Variants in HCN1 observed in about 807,000 individuals in gnomAD.
The protein encoded by HCN1 is potassium/sodium hyperpolarization-activated cyclic nucleotide-gated channel 1.
HCN1 carries 13 observed loss-of-function variants against 78.9 expected under a neutral mutation model. The ratio of observed to expected loss-of-function variants is 0.16; its 90% confidence interval spans 0.11 to 0.26. The LOEUF (loss-of-function observed/expected upper bound fraction) is 0.26, where lower values mean the gene tolerates loss of function less well. Ranked by LOEUF, HCN1 falls within the 10% of genes least tolerant of loss-of-function variation. The pLI is 1.00. For missense variants in HCN1, 810 were observed against 1,154.3 expected (o/e 0.70, Z 4.32); for synonymous variants, 552 against 455.5 (o/e 1.21, Z -2.70).
chr5:45,502,317 A>C (rs1049106799), intron 2 of HCN1, among the ~76,000 whole-genome samples: 2 of 151,572 alleles, frequency 1.3e-5, no homozygotes, highest in East Asian at 3.9e-4. Flanking sequence ...AAAAAAAAAA[A>C]CAAAACAACA....
rs1359855706 is a variant in HCN1, at chr5:45,261,120, G to A, written c.*801C>T. 6.6e-6 allele frequency: 1 copy of A among 152,600 alleles called. No homozygotes were observed. Among genetic ancestry groups the A allele is most frequent in the African/African-American group, 2.4e-5 (1 of 41,440 alleles). 9.5% of individuals were successfully genotyped at this position (152,600 alleles called of 1,614,324 possible). A position where few individuals can be genotyped will look rare whatever the true frequency, so the allele number is the denominator to read the frequency against. ...AAAATTTAAAACTCTAAGTTTTGAA[G>A]TGAAGCAATAAAACTAAATTCTTAA... On this transcript the variant is annotated 3_prime_UTR_variant, in exon 8 of 8. Coordinates refer to ENST00000303230, the MANE Select transcript of HCN1 (RefSeq NM_021072.4).
chr5:45,559,757 A>G (rs1743556319), intron 2 of HCN1: 1 of 152,234 alleles, frequency 6.6e-6, no homozygotes, highest in Non-Finnish European at 1.5e-5. Flanking sequence ...AGTGTTTGAG[A>G]ATACTGACTT....
intron 2 of HCN1, among the ~76,000 whole-genome samples, chr5:45,635,365 A>G (rs1388045852): frequency 2.0e-5 from 3 of 152,028 alleles, no homozygotes; most frequent in Non-Finnish European, 4.4e-5. Flanking sequence ...AAAGAGCAAA[A>G]TTGAAATAAT....
At chr5:45,557,893 G>C (rs565036072) in intron 2 of HCN1, 1 of 152,048 alleles carries the variant, frequency 6.6e-6, no homozygotes, top group Admixed American at 6.6e-5. Context: ...CAACAATATT[G>C]AAATTAGGTC....
intron 2 of HCN1, among the ~76,000 whole-genome samples, chr5:45,593,206 GCA>G (rs1198980159): frequency 7.2e-4 from 74 of 102,500 alleles, no homozygotes; most frequent in African/African-American, 1.8e-3. Flanking sequence ...GCGCATGCAC[GCA>G]CGCGCACACA....
chr5:45,440,870 G>A (rs1254385150), intron 3 of HCN1, among the ~76,000 whole-genome samples: 1 of 152,102 alleles, frequency 6.6e-6, no homozygotes, highest in African/African-American at 2.4e-5. Flanking sequence ...ACCAAGAACA[G>A]AACCCCAAAT....
intron 1 of HCN1, among the ~76,000 whole-genome samples, chr5:45,650,204 A>G (rs1288897338): frequency 1.3e-5 from 2 of 152,104 alleles, no homozygotes; most frequent in Non-Finnish European, 2.9e-5. Context: ...ATTTTTTTCT[A>G]CTACTCTTAG....
At chr5:45,468,475 G>A (rs1045572908) in intron 2 of HCN1, among the ~76,000 whole-genome samples, 3 of 151,848 alleles carry the variant, frequency 2.0e-5, no homozygotes, top group Non-Finnish European at 4.4e-5. Context: ...AACCTGTTAT[G>A]TTTCTTAACT....
intron 2 of HCN1, among the ~76,000 whole-genome samples, chr5:45,553,487 A>AT (rs1229031111): frequency 6.6e-6 from 1 of 151,940 alleles, no homozygotes; most frequent in East Asian, 1.9e-4. Flanking sequence ...CACTCAGATG[A>AT]TAAAGTCTTC....
chr5:45,275,550 G>A (rs1745039652), intron 6 of HCN1, among the ~76,000 whole-genome samples: 1 of 151,972 alleles, frequency 6.6e-6, no homozygotes, highest in South Asian at 2.1e-4. Flanking sequence ...TTCTTTATCT[G>A]TGTCTTTCAT....
At chr5:45,603,253 T>C (rs1231178036) in intron 2 of HCN1, among the ~76,000 whole-genome samples, 1 of 152,002 alleles carries the variant, frequency 6.6e-6, no homozygotes, top group Non-Finnish European at 1.5e-5. Flanking sequence ...TTTCTTCCAT[T>C]CTCAGACATC....
intron 2 of HCN1, among the ~76,000 whole-genome samples, chr5:45,573,471 C>T (rs111889329): frequency 8.1e-6 from 1 of 123,950 alleles, no homozygotes; most frequent in African/African-American, 3.6e-5. Flanking sequence ...AATAACCTCC[C>T]CCCACCCCGA....
chr5:45,414,768 T>G (rs189774504), intron 3 of HCN1, among the ~76,000 whole-genome samples: 2 of 152,108 alleles, frequency 1.3e-5, no homozygotes, highest in East Asian at 3.9e-4. Context: ...AATACACAGG[T>G]TCCCATTCCT....
chr5:45,672,489 G>C (rs1017895398), intron 1 of HCN1, among the ~76,000 whole-genome samples: 1 of 149,680 alleles, frequency 6.7e-6, no homozygotes, highest in African/African-American at 2.5e-5. Flanking sequence ...CAGGCTATCA[G>C]TACATATATT....
chr5:45,502,878 G>C (rs372862173), intron 2 of HCN1, among the ~76,000 whole-genome samples: 2 of 151,986 alleles, frequency 1.3e-5, no homozygotes, highest in Non-Finnish European at 2.9e-5. Flanking sequence ...GGAAAACTTC[G>C]CATTTTTAAA....
At chr5:45,445,749 G>A (rs907974784) in intron 3 of HCN1, among the ~76,000 whole-genome samples, 1 of 152,154 alleles carries the variant, frequency 6.6e-6, no homozygotes, top group African/African-American at 2.4e-5. Flanking sequence ...CTGTTCTGCA[G>A]ACACCGCTGC....
At chr5:45,373,077 A>G (rs1408796670) in intron 4 of HCN1, among the ~76,000 whole-genome samples, 2 of 135,156 alleles carry the variant, frequency 1.5e-5, no homozygotes, top group African/African-American at 5.3e-5. Context: ...TGTAGTATAT[A>G]ATATATAAAA....
At chr5:45,365,684 A>C (rs973017286) in intron 4 of HCN1, among the ~76,000 whole-genome samples, 3 of 151,702 alleles carry the variant, frequency 2.0e-5, no homozygotes, top group South Asian at 2.1e-4. Flanking sequence ...ACAATTATTT[A>C]TTTCTTTTTG....
rs541501400 is a variant in HCN1 at position 45,679,716 on chromosome 5, A to G, written c.425+15953T>C. Among the ~76,000 whole-genome samples the G allele has an allele frequency of 1.2e-3, 178 of 152,256 alleles. 1 individual carries two copies. The highest frequency in any genetic ancestry group is 1.5e-3 in the Non-Finnish European group (104 of 68,006). On this transcript the variant is annotated intron_variant, in intron 1 of 7. Coordinates refer to ENST00000303230, the MANE Select transcript of HCN1 (RefSeq NM_021072.4). ...ATTGTACTTTCAATACAAAAAGTAG[A>G]TATTTAAAAAATCACATTTAATAAA...
Sources: allele counts gnomAD v4.1 joint callset (sites outside exome capture counted in the v4.1 genomes callset), GRCh38; gene constraint gnomAD v4.1.1; transcripts MANE v1.5; gene names NCBI Gene and HGNC (gene_info 2026-07-23, HGNC 2026-07-21).